The following TXLNB variants were observed in gnomAD, a reference collection of about 807,000 sequenced individuals.
TXLNB encodes beta-taxilin.
TXLNB carries 37 observed loss-of-function variants against 57.4 expected under a neutral mutation model. The observed-to-expected ratio is 0.64, with a 90% CI of 0.50 to 0.85. TXLNB has a LOEUF of 0.85. TXLNB is among the 40% of genes least tolerant of loss of function. TXLNB has a pLI of 0.00. For synonymous variants in TXLNB, 302 were observed against 309.6 expected (o/e 0.98, Z 0.26); for missense variants, 848 against 825.6 (o/e 1.03, Z -0.33).
chr6:139,182,519 C>A, the TXLNB span, among the ~76,000 whole-genome samples: 13 of 152,230 alleles, frequency 8.5e-5, no homozygotes, highest in East Asian at 2.3e-3. Flanking sequence ...TTAAATTTGG[C>A]AAATTCAGCA....
Position 139,262,768 on chromosome 6 carries a change from C to G in TXLNB, c.693G>C (p.Glu231Asp). The G allele has an allele frequency of 6.2e-7, 1 of 1,612,600 alleles. No individual in the cohort carries two copies. Among genetic ancestry groups the G allele is most frequent in the Non-Finnish European group, 8.5e-7 (1 of 1,179,572 alleles). The change falls in exon 5 of 10, where the codon GAG (glutamate) becomes GAC (aspartate). Residue 231 changes from glutamate (E) to aspartate (D), a missense_variant. Glu to Asp is a conservative substitution (Grantham distance 45). Coordinates refer to ENST00000358430, the MANE Select transcript of TXLNB (RefSeq NM_153235.4). Reference protein sequence around the residue: ...LQRHNKTLKEEALQRAREEEE... With the variant: ...LQRHNKTLKEDALQRAREEEE... ...CTTCCTCACGTGCCCGCTGAAGCGCCTCTTCCTGCGGATAAAAAGCAAAAC... is the reference window on the plus strand; with the variant it reads ...CTTCCTCACGTGCCCGCTGAAGCGCGTCTTCCTGCGGATAAAAAGCAAAAC...
chr6:139,243,374 G>A, intron 9 of TXLNB, 60 bp from the exon 10 acceptor site: 1 of 1,493,330 alleles, frequency 6.7e-7, no homozygotes, highest in South Asian at 1.3e-5. Flanking sequence ...TAAGCAAAAT[G>A]TCCAGGATGC....
At chr6:139,238,343 G>A (rs748664295), downstream of TXLNB, among the ~76,000 whole-genome samples, 5 of 152,112 alleles carry the variant, frequency 3.3e-5, no homozygotes, top group Admixed American at 6.6e-5. Context: ...GCAGTAAGCC[G>A]ATATCACGCC....
chr6:139,215,425 A>G, the TXLNB span, among the ~76,000 whole-genome samples: 16 of 152,124 alleles, frequency 1.1e-4, no homozygotes, highest in African/African-American at 3.9e-4. Flanking sequence ...CTAGCCATAT[A>G]TAGAAAGCTG....
chr6:139,309,495 G>A, the TXLNB span, among the ~76,000 whole-genome samples: 219 of 152,126 alleles, frequency 1.4e-3, 5 homozygotes, highest in South Asian at 0.043. Context: ...AGGCCTATTT[G>A]TTCTCACTAA....
intron 2 of TXLNB, among the ~76,000 whole-genome samples, chr6:139,287,925 C>T (rs1351241928): frequency 1.3e-5 from 2 of 152,206 alleles, no homozygotes; most frequent in African/African-American, 4.8e-5. Flanking sequence ...ATTTATTTAT[C>T]TTTGTGCACC....
the TXLNB span, among the ~76,000 whole-genome samples, chr6:139,192,509 A>T: frequency 3.3e-5 from 5 of 152,100 alleles, no homozygotes; most frequent in African/African-American, 1.2e-4. Context: ...GATTTGGGGG[A>T]GTCTATTTCA....
the TXLNB span, chr6:139,165,993 C>T: frequency 2.8e-5 from 8 of 290,174 alleles, no homozygotes; most frequent in East Asian, 1.2e-4. Context: ...GACGAGAAAT[C>T]GGTATGAGAC....
chr6:139,261,832 T>A (rs1473603786), intron 5 of TXLNB, among the ~76,000 whole-genome samples: 2 of 151,714 alleles, frequency 1.3e-5, no homozygotes, highest in Non-Finnish European at 2.9e-5. Flanking sequence ...ATAAATGATA[T>A]CATTATTATT....
At chr6:139,269,359 CAA>C in intron 4 of TXLNB, among the ~76,000 whole-genome samples, 1 of 152,324 alleles carries the variant, frequency 6.6e-6, no homozygotes, top group African/African-American at 2.4e-5. Flanking sequence ...CGCAGGCACA[CAA>C]GAGATTTATG....
chr6:139,308,514 C>T, the TXLNB span, among the ~76,000 whole-genome samples: 2 of 152,170 alleles, frequency 1.3e-5, no homozygotes, highest in African/African-American at 2.4e-5. Context: ...TGTTCACTTC[C>T]TTGTTTTGCT....
chr6:139,236,626 G>T (rs1361226174), downstream of TXLNB, among the ~76,000 whole-genome samples: 1 of 152,094 alleles, frequency 6.6e-6, no homozygotes, highest in Non-Finnish European at 1.5e-5. Context: ...ACAGTGAGTC[G>T]AGCCTCTTTC....
chr6:139,296,007 C>T (rs546253027), upstream of TXLNB, among the ~76,000 whole-genome samples: 1 of 152,104 alleles, frequency 6.6e-6, no homozygotes, highest in East Asian at 1.9e-4. Context: ...GATATGATCC[C>T]CACATACAAA....
At chr6:139,168,182 C>T in the TXLNB span, among the ~76,000 whole-genome samples, 1 of 152,244 alleles carries the variant, frequency 6.6e-6, no homozygotes, top group Non-Finnish European at 1.5e-5. Context: ...TCTTCATTCT[C>T]CAGCTTTACA....
At chr6:139,198,537 T>C in the TXLNB span, among the ~76,000 whole-genome samples, 1 of 152,138 alleles carries the variant, frequency 6.6e-6, no homozygotes, top group Non-Finnish European at 1.5e-5. Flanking sequence ...TTATTTTCCT[T>C]TTGCAGCCCT....
chr6:139,230,561 G>T, the TXLNB span, among the ~76,000 whole-genome samples: 1 of 152,208 alleles, frequency 6.6e-6, no homozygotes, highest in Non-Finnish European at 1.5e-5. Context: ...TAGCCTGTTT[G>T]CTACCACTTC....
the TXLNB span, among the ~76,000 whole-genome samples, chr6:139,206,953 C>T: frequency 1.1e-3 from 170 of 152,154 alleles, no homozygotes; most frequent in African/African-American, 4.0e-3. Context: ...TACATATGCA[C>T]CTAACACTGG....
At chr6:139,260,116 T>C (rs1339003068) in intron 6 of TXLNB, among the ~76,000 whole-genome samples, 1 of 152,052 alleles carries the variant, frequency 6.6e-6, no homozygotes, top group Non-Finnish European at 1.5e-5. Context: ...TCCCAGCTAC[T>C]TGGGGAGGCA....
At chr6:139,223,931 C>G in the TXLNB span, among the ~76,000 whole-genome samples, 1 of 150,436 alleles carries the variant, frequency 6.6e-6, no homozygotes, top group Admixed American at 6.6e-5. Flanking sequence ...TTTGACCCAG[C>G]CATCCCATTA....
Sources: allele counts gnomAD v4.1 joint callset (sites outside exome capture counted in the v4.1 genomes callset), GRCh38; gene constraint gnomAD v4.1.1; transcripts MANE v1.5; gene names NCBI Gene and HGNC (gene_info 2026-07-23, HGNC 2026-07-21).